The following WDR27 variants were observed in gnomAD, a reference collection of about 807,000 sequenced individuals.
WDR27 encodes WD repeat-containing protein 27.
A neutral mutation model predicts 114.4 loss-of-function variants in WDR27; 100 were observed. That is an observed-to-expected ratio of 0.87 (90% CI 0.74 to 1.03). The LOEUF is 1.03. WDR27 is among the 50% of genes least tolerant of loss of function. The pLI is 0.00. For missense variants in WDR27, 1,129 were observed against 1,092.9 expected (o/e 1.03, Z -0.47); for synonymous variants, 449 against 423.1 (o/e 1.06, Z -0.75).
chr6:169,673,492 C>T (rs186626323), intron 2 of WDR27, among the ~76,000 whole-genome samples: 2 of 151,626 alleles, frequency 1.3e-5, no homozygotes, highest in East Asian at 1.9e-4. Context: ...ATTTTGAAGG[C>T]ATCAGAAAGC....
chr6:169,477,512 C>T (rs935508715), intron 25 of WDR27, among the ~76,000 whole-genome samples: 9 of 152,234 alleles, frequency 5.9e-5, no homozygotes, highest in South Asian at 2.1e-4. Context: ...AATCTCAGCT[C>T]GCTGAAACCT....
At chr6:169,633,538 C>T (rs1182805356) in intron 20 of WDR27, among the ~76,000 whole-genome samples, 2 of 152,130 alleles carry the variant, frequency 1.3e-5, no homozygotes, top group East Asian at 1.9e-4. Context: ...GGCAGGTGAC[C>T]GTGACGTGCT....
chr6:169,590,674 G>C (rs572087708), intron 23 of WDR27, among the ~76,000 whole-genome samples: 1 of 152,344 alleles, frequency 6.6e-6, no homozygotes, highest in Non-Finnish European at 1.5e-5. Flanking sequence ...TCAAGGTCTG[G>C]CAAAATAAAT....
intron 22 of WDR27, among the ~76,000 whole-genome samples, chr6:169,603,151 CTT>C (rs11285980): frequency 9.9e-4 from 135 of 136,622 alleles, no homozygotes; most frequent in East Asian, 1.3e-3. Context: ...CAAGATAATT[CTT>C]TTTTTTTTTT....
intron 1 of WDR27, among the ~76,000 whole-genome samples, chr6:169,693,891 G>T (rs1007169704): frequency 6.6e-6 from 1 of 152,082 alleles, no homozygotes; most frequent in African/African-American, 2.4e-5. Flanking sequence ...CAATAATACT[G>T]GGGAATTTCA....
At chr6:169,604,462 A>G (rs970063812) in intron 22 of WDR27, among the ~76,000 whole-genome samples, 3 of 152,178 alleles carry the variant, frequency 2.0e-5, no homozygotes, top group Admixed American at 2.0e-4. Flanking sequence ...CAAGAAAAAA[A>G]GTCTCCCAAC....
Position 169,556,540 on chromosome 6 carries a change from A to G in WDR27, c.2645+15879T>C, listed in dbSNP as rs550397378. 7.2e-4 allele frequency among the ~76,000 whole-genome samples: 110 copies of G among 152,348 alleles called. 1 individual carries two copies. The highest frequency in any genetic ancestry group is 2.6e-3 in the African/African-American group (108 of 41,590). On this transcript the variant is annotated intron_variant, in intron 25 of 25. Transcript: ENST00000448612. ...ACATCCTAGAAGGAAACACAGAAGA[A>G]TATCTTCTCAGTCTCTGGGTTAGCA... is the stretch of plus-strand genomic sequence containing the variant.
intron 13 of WDR27, 108 bp downstream of exon 13, chr6:169,658,168 C>T (rs1041018087): frequency 8.3e-6 from 7 of 844,504 alleles, no homozygotes; most frequent in Admixed American, 2.0e-5. Flanking sequence ...GAAGGAAGTA[C>T]GGAATGCATA....
At chr6:169,611,758 A>T (rs1429511941) in intron 22 of WDR27, among the ~76,000 whole-genome samples, 4 of 152,210 alleles carry the variant, frequency 2.6e-5, no homozygotes, top group Non-Finnish European at 5.9e-5. Context: ...GATCATCAAT[A>T]TCACTGTCTT....
chr6:169,598,203 CTTGGATT>C (rs1807224397), intron 23 of WDR27, among the ~76,000 whole-genome samples: 1 of 152,212 alleles, frequency 6.6e-6, no homozygotes. Context: ...TTGAGATCAG[CTTGGATT>C]TAGGGTGGGC....
At chr6:169,610,297 A>C (rs1045740553) in intron 22 of WDR27, among the ~76,000 whole-genome samples, 1 of 152,138 alleles carries the variant, frequency 6.6e-6, no homozygotes, top group African/African-American at 2.4e-5. Flanking sequence ...CTGTTTTTGC[A>C]CTGCTGATAA....
At chr6:169,516,295 G>A (rs930776212) in intron 25 of WDR27, among the ~76,000 whole-genome samples, 1 of 152,080 alleles carries the variant, frequency 6.6e-6, no homozygotes, top group Non-Finnish European at 1.5e-5. Flanking sequence ...CTAGCTCAAC[G>A]GTAAGGAGCC....
intron 25 of WDR27, among the ~76,000 whole-genome samples, chr6:169,535,679 C>T (rs181597655): frequency 6.6e-6 from 1 of 152,222 alleles, no homozygotes; most frequent in East Asian, 1.9e-4. Flanking sequence ...TGTGCATCTG[C>T]CTGTCCAAGA....
At chr6:169,695,224 CAT>C (rs545239637) in intron 1 of WDR27, among the ~76,000 whole-genome samples, 286 of 152,258 alleles carry the variant, frequency 1.9e-3, no homozygotes, top group African/African-American at 6.7e-3. Context: ...ATGGACACCA[CAT>C]GTTATTTCTG....
At chr6:169,592,275 T>C (rs969737172) in intron 23 of WDR27, among the ~76,000 whole-genome samples, 1 of 152,146 alleles carries the variant, frequency 6.6e-6, no homozygotes. Context: ...GAGTGTTAAA[T>C]CTACACATTA....
At chr6:169,500,659 C>T (rs145958645) in intron 25 of WDR27, among the ~76,000 whole-genome samples, 1 of 152,154 alleles carries the variant, frequency 6.6e-6, no homozygotes, top group African/African-American at 2.4e-5. Flanking sequence ...GTATGGCTGC[C>T]CAGTGCTAGG....
chr6:169,524,312 T>C (rs1794721165), intron 25 of WDR27, among the ~76,000 whole-genome samples: 1 of 152,226 alleles, frequency 6.6e-6, no homozygotes, highest in African/African-American at 2.4e-5. Context: ...AGATATTCCA[T>C]GCTCATGGAT....
intron 21 of WDR27, among the ~76,000 whole-genome samples, chr6:169,628,405 G>A (rs1186978939): frequency 6.6e-6 from 1 of 152,190 alleles, no homozygotes; most frequent in African/African-American, 2.4e-5. Context: ...CCCGCCTGCA[G>A]GATTTAAAAT....
chr6:169,697,786 T>A (rs1486772250), intron 1 of WDR27, among the ~76,000 whole-genome samples: 1 of 152,190 alleles, frequency 6.6e-6, no homozygotes, highest in African/African-American at 2.4e-5. Context: ...ACTCTCCTTA[T>A]CCTGCCCCTT....
Sources: allele counts gnomAD v4.1 joint callset (sites outside exome capture counted in the v4.1 genomes callset), GRCh38; gene constraint gnomAD v4.1.1; transcripts MANE v1.5; gene names NCBI Gene and HGNC (gene_info 2026-07-23, HGNC 2026-07-21).